The following SMPD4 variants were observed in gnomAD, a reference collection of about 807,000 sequenced individuals.
SMPD4 encodes neutral sphingomyelinase 3.
In SMPD4, 58 loss-of-function variants were observed where a neutral mutation model predicts 97.8. The observed-to-expected ratio is 0.59, with a 90% CI of 0.48 to 0.74. The LOEUF is 0.74. SMPD4 is among the 30% of genes least tolerant of loss of function. The pLI, the probability that SMPD4 is intolerant of heterozygous loss-of-function variation, is 0.00. For synonymous variants in SMPD4, 388 were observed against 450.0 expected (o/e 0.86, Z 1.74); for missense variants, 853 against 1,080.5 (o/e 0.79, Z 2.95).
intron 11 of SMPD4, chr2:130,158,049 A>T: frequency 2.2e-6 from 1 of 449,234 alleles, no homozygotes; most frequent in Non-Finnish European, 3.5e-6. Context: ...CTAGGGTGGG[A>T]GGATCACTTC....
chr2:130,166,734 A>C (rs932184916), intron 9 of SMPD4, among the ~76,000 whole-genome samples: 56 of 152,352 alleles, frequency 3.7e-4, no homozygotes, highest in Admixed American at 2.8e-3. Flanking sequence ...GCCAGCACTC[A>C]GGAAGTGAGC....
intron 9 of SMPD4, among the ~76,000 whole-genome samples, chr2:130,166,349 GA>G (rs1164265246): frequency 6.7e-6 from 1 of 149,630 alleles, no homozygotes; most frequent in Non-Finnish European, 1.5e-5. Context: ...TTGGCCCAGG[GA>G]ACAGCAGAAC....
chr2:130,160,593 G>A (rs190807505), intron 11 of SMPD4, among the ~76,000 whole-genome samples: 16 of 152,320 alleles, frequency 1.1e-4, no homozygotes, highest in Admixed American at 9.1e-4. Flanking sequence ...GAGCGGCCAG[G>A]GCTCCCCAGG....
At chr2:130,167,274 C>T (rs1361544852) in intron 9 of SMPD4, among the ~76,000 whole-genome samples, 184 bp downstream of exon 9, 2 of 152,158 alleles carry the variant, frequency 1.3e-5, no homozygotes, top group Non-Finnish European at 2.9e-5. Context: ...GCGCCTGCCA[C>T]CACGCCCAAC....
At chr2:130,153,563 GT>G in intron 17 of SMPD4, 113 bp from the exon 18 acceptor site, 1 of 1,574,062 alleles carries the variant, frequency 6.4e-7, no homozygotes, top group Non-Finnish European at 8.6e-7. Flanking sequence ...GACGCTCGGG[GT>G]GTGGGCCTGC....
upstream of SMPD4, chr2:130,181,646 G>T (rs1417853414): frequency 3.9e-6 from 6 of 1,555,502 alleles, no homozygotes; most frequent in Non-Finnish European, 5.2e-6. Flanking sequence ...CGGGAAAAGC[G>T]CTTCCACCTC....
rs199586464 is a variant in SMPD4 at position 130,164,365 on chromosome 2, A to G, written c.864+9T>C. On this transcript the variant is annotated intron_variant, in intron 10 of 19. Coordinates refer to ENST00000680298, the MANE Select transcript of SMPD4 (RefSeq NM_017951.5). ...AAGCAGGAGGTGGGAAGAAAAACTG[A>G]AAACATACCTTGGCATGAGGGGACT... The G allele has an allele frequency of 1.9e-6, 3 of 1,590,934 alleles. No individual in the cohort carries two copies. The highest frequency in any genetic ancestry group is 2.6e-6 in the Non-Finnish European group (3 of 1,159,908).
intron 8 of SMPD4, among the ~76,000 whole-genome samples, chr2:130,168,510 G>A (rs1276005467): frequency 2.8e-5 from 4 of 141,740 alleles, no homozygotes; most frequent in African/African-American, 5.5e-5. Context: ...ACATCTTCCC[G>A]GTAAATTCTC....
rs1317730961 is a variant in SMPD4 at position 130,154,504 on chromosome 2, T to C, written c.1454-22A>G. On this transcript the variant is annotated intron_variant, in intron 15 of 19. Coordinates refer to ENST00000680298, the MANE Select transcript of SMPD4 (RefSeq NM_017951.5). ...TCACCTAGAAGGCAGGAGACGAACC[T>C]GGCACCCACTTCCCGGAGGCAGAGT... 3.9e-6 allele frequency: 6 copies of C among 1,551,432 alleles called. No homozygotes were observed. In the African/African-American group the frequency reaches 6.8e-5, roughly 18 times the overall value.
At chr2:130,156,423 T>C in intron 13 of SMPD4, 162 bp downstream of exon 13, 1 of 791,310 alleles carries the variant, frequency 1.3e-6, no homozygotes, top group East Asian at 2.7e-5. Context: ...GAGGGCTGGC[T>C]TTGGAAACTC....
intron 9 of SMPD4, among the ~76,000 whole-genome samples, chr2:130,164,724 A>C (rs999998658): frequency 2.0e-5 from 3 of 152,008 alleles, no homozygotes; most frequent in African/African-American, 7.3e-5. Flanking sequence ...ATGATGCCCA[A>C]AGCACAGGCA....
intron 9 of SMPD4, among the ~76,000 whole-genome samples, chr2:130,165,102 C>G (rs56392073): frequency 9.2e-6 from 1 of 108,202 alleles, no homozygotes; most frequent in African/African-American, 3.8e-5. Flanking sequence ...AAGACAGACT[C>G]TGATTTAAAA....
At position 130,174,897 on chromosome 2, in the gene SMPD4, C is replaced by T. The variant is rs147389358; in HGVS notation, c.126+17G>A. Reference sequence around the variant, plus strand: ...GTATAAGACATGCTCCAAAGAGAGACGTTAGCAGAGCTATACCTTTGCTGG... The same window carrying T: ...GTATAAGACATGCTCCAAAGAGAGATGTTAGCAGAGCTATACCTTTGCTGG... On this transcript the variant is annotated intron_variant, in intron 3 of 19. Transcript: ENST00000680298. 1.5e-4 allele frequency: 229 copies of T among 1,550,912 alleles called. 2 individuals carry two copies. The East Asian group carries it at 3.0e-3, about 21-fold the overall frequency.
chr2:130,170,877 A>G (rs776031274), intron 8 of SMPD4, among the ~76,000 whole-genome samples: 16 of 151,952 alleles, frequency 1.1e-4, no homozygotes, highest in South Asian at 2.1e-4. Flanking sequence ...CCTGGCCAAC[A>G]TGGTGAAACC....
At chr2:130,167,797 C>A (rs1247594311) in intron 8 of SMPD4, among the ~76,000 whole-genome samples, 2 of 152,190 alleles carry the variant, frequency 1.3e-5, no homozygotes, top group African/African-American at 4.8e-5. Flanking sequence ...GTCTTCCTTA[C>A]CACAGAGTGA....
chr2:130,152,941 C>T, intron 19 of SMPD4, 57 bp from the exon 20 acceptor site: 1 of 1,557,426 alleles, frequency 6.4e-7, no homozygotes, highest in South Asian at 1.2e-5. Context: ...GGCCTCAGGA[C>T]AGCAGTACCC....
chr2:130,172,459 G>T lies in SMPD4; in HGVS notation c.549C>A (p.Ala183=). The change falls in exon 8 of 20, where the codon GCC becomes GCA. Residue 183 remains alanine (A), a synonymous_variant. Transcript: ENST00000680298. Reference sequence around the variant, plus strand: ...GGTACCTGTCCACCAGGATGAAATAGGCACAGTCTGAAGTACGGACGTGGA... The same window carrying T: ...GGTACCTGTCCACCAGGATGAAATATGCACAGTCTGAAGTACGGACGTGGA... ...VSLHVRTSDC[A]YFILVDRYLS... 1.2e-6 allele frequency: 2 copies of T among 1,612,506 alleles called. No individual in the cohort carries two copies. The highest frequency in any genetic ancestry group is 1.7e-6 in the Non-Finnish European group (2 of 1,179,150).
rs191883323 is a variant in SMPD4 at position 130,173,913 on chromosome 2, C to T, written c.127-257G>A. Among the ~76,000 whole-genome samples, 241 of 148,538 alleles carry T rather than the reference C, an allele frequency of 1.6e-3. 2 individuals carry two copies. Among genetic ancestry groups the T allele is most frequent in the African/African-American group, 5.5e-3 (221 of 40,088 alleles). On this transcript the variant is annotated intron_variant, in intron 3 of 19. Coordinates refer to ENST00000680298, the MANE Select transcript of SMPD4 (RefSeq NM_017951.5). ...TGGGCCAGTTAAGTAAGTCAGCCTC[C>T]GATCAAAATACATTTTTTGTGTGTG...
In SMPD4 at chr2:130,152,614, C is replaced by T; in HGVS notation, c.2425G>A (p.Val809Ile). The T allele has an allele frequency of 6.4e-7, 1 of 1,553,474 alleles. No individual in the cohort carries two copies. The highest frequency in any genetic ancestry group is 2.4e-5 in the East Asian group (1 of 41,244). Residue 809 changes from valine to isoleucine, a missense_variant, in exon 20 of 20, where the codon GTC becomes ATC. By Grantham distance (29) the Val-to-Ile change is conservative. Coordinates refer to ENST00000680298, the MANE Select transcript of SMPD4 (RefSeq NM_017951.5). ...PCTLLLTLGY[V>I]LYASAMTLLT... ...AGTGTCATGGCAGAGGCGTAGAGGA[C>T]ATAGCCCAGGGTGAGCAGCAGCGTG...
Sources: gnomAD v4.1 joint callset for allele counts (sites outside exome capture counted in the v4.1 genomes callset) on GRCh38, gnomAD v4.1.1 for gene constraint, MANE v1.5 for transcripts, NCBI Gene and HGNC (gene_info 2026-07-23, HGNC 2026-07-21) for gene names.